The following CHSY1 variants were observed in gnomAD, a reference collection of about 807,000 sequenced individuals.
The protein encoded by CHSY1 is chondroitin sulfate synthase 1.
A neutral mutation model predicts 59.8 loss-of-function variants in CHSY1; 13 were observed. That is an observed-to-expected ratio of 0.22 (90% CI 0.14 to 0.35). CHSY1 has a LOEUF of 0.35. CHSY1 is among the 10% of genes least tolerant of loss of function. CHSY1 has a pLI of 1.00. For synonymous variants in CHSY1, 459 were observed against 401.2 expected (o/e 1.14, Z -1.72); for missense variants, 947 against 1,030.6 (o/e 0.92, Z 1.11).
Position 101,251,347 on chromosome 15 carries a change from G to A in CHSY1, c.110C>T (p.Ala37Val), listed in dbSNP as rs1443467754. ...VLPRASELKR[A>V]GPRRRASPEG... Reference sequence around the variant, plus strand: ...GGGGCTGGCGCGGCGCCGTGGGCCCGCTCGCTTCAGCTCGGAAGCCCGGGG... The same window carrying A: ...GGGGCTGGCGCGGCGCCGTGGGCCCACTCGCTTCAGCTCGGAAGCCCGGGG... The change falls in exon 1 of 3, where the codon GCG (alanine) becomes GTG (valine). Residue 37 changes from alanine to valine, a missense_variant. Around this residue, in one of 4 missense-constraint regions of CHSY1, gnomAD observed 232 missense variants for 188.5 expected, o/e 1.23. Coordinates refer to ENST00000254190, the MANE Select transcript of CHSY1 (RefSeq NM_014918.5). 7.0e-6 allele frequency: 8 copies of A among 1,142,074 alleles called. No homozygotes were observed. Among genetic ancestry groups the A allele is most frequent in the Middle Eastern group, 3.9e-4 (1 of 2,576 alleles). 70.7% of individuals were successfully genotyped at this position (1,142,074 alleles called of 1,614,324 possible).
intron 2 of CHSY1, among the ~76,000 whole-genome samples, chr15:101,222,149 C>G (rs1255235331): frequency 6.6e-6 from 1 of 152,222 alleles, no homozygotes; most frequent in African/African-American, 2.4e-5. Context: ...AAAGACCTTT[C>G]TGTCTCAGAG....
chr15:101,248,197 T>A (rs553357539), intron 1 of CHSY1, among the ~76,000 whole-genome samples: 8 of 152,216 alleles, frequency 5.3e-5, no homozygotes, highest in African/African-American at 1.9e-4. Context: ...GAACTGTGCA[T>A]GGAATTTCCA....
chr15:101,195,260 C>T (rs2038492452), intron 2 of CHSY1, among the ~76,000 whole-genome samples: 1 of 152,186 alleles, frequency 6.6e-6, no homozygotes. Context: ...GCAAACTATA[C>T]AGTACTTACA....
intron 1 of CHSY1, among the ~76,000 whole-genome samples, chr15:101,237,709 A>G (rs1416059028): frequency 6.6e-6 from 1 of 152,240 alleles, no homozygotes; most frequent in Non-Finnish European, 1.5e-5. Context: ...AGGCTATCAT[A>G]TCGCACTTTC....
chr15:101,219,089 T>A (rs1487170908), intron 2 of CHSY1, among the ~76,000 whole-genome samples: 1 of 152,206 alleles, frequency 6.6e-6, no homozygotes, highest in East Asian at 1.9e-4. Context: ...TAATCCTGTT[T>A]TAGGGAAGAA....
Position 101,178,213 on chromosome 15 carries a change from T to C in CHSY1, c.1584A>G (p.Glu528=). The C allele has an allele frequency of 6.2e-7, 1 of 1,614,220 alleles. No homozygotes were observed. Among genetic ancestry groups the C allele is most frequent in the Non-Finnish European group, 8.5e-7 (1 of 1,180,046 alleles). The part of the protein sequence containing the change: ...QLPGSKSEHK[E]PKDKKINILI... ...GTATGTTTATCTTTTTATCTTTGGGTTCTTTGTGCTCACTCTTCGACCCAG... is the reference window on the plus strand; with the variant it reads ...GTATGTTTATCTTTTTATCTTTGGGCTCTTTGTGCTCACTCTTCGACCCAG... The change falls in exon 3 of 3, where the codon GAA becomes GAG. Residue 528 remains glutamate, a synonymous_variant. Coordinates refer to ENST00000254190, the MANE Select transcript of CHSY1 (RefSeq NM_014918.5).
intron 2 of CHSY1, among the ~76,000 whole-genome samples, chr15:101,199,490 G>A (rs1303770011): frequency 1.3e-4 from 20 of 152,170 alleles, no homozygotes. Flanking sequence ...GCGGCAGGGT[G>A]AGACTCCGTC....
intron 2 of CHSY1, among the ~76,000 whole-genome samples, chr15:101,215,491 T>C (rs2038722602): frequency 6.6e-6 from 1 of 152,168 alleles, no homozygotes; most frequent in Non-Finnish European, 1.5e-5. Flanking sequence ...TCCCAGCATC[T>C]GAGGAGGCCA....
At chr15:101,204,995 A>G (rs1037366012) in intron 2 of CHSY1, among the ~76,000 whole-genome samples, 5 of 152,204 alleles carry the variant, frequency 3.3e-5, no homozygotes, top group African/African-American at 1.2e-4. Flanking sequence ...GCAATACTAC[A>G]TACTCTATCC....
In CHSY1 at chr15:101,212,787, T is replaced by C. The variant is rs2038694744; in HGVS notation, c.816+22295A>G. Among the ~76,000 whole-genome samples, 3 of 152,196 alleles carry C rather than the reference T, an allele frequency of 2.0e-5. No homozygotes were observed. In the South Asian group the frequency reaches 6.2e-4, roughly 32 times the overall value. On this transcript the variant is annotated intron_variant, in intron 2 of 2. Coordinates refer to ENST00000254190, the MANE Select transcript of CHSY1 (RefSeq NM_014918.5). ...AAAAGAATAGCAAACTGTAAGTCAA[T>C]ATGCAACTCTAGGTAATAATAAACA...
At chr15:101,237,712 G>A (rs1158578541) in intron 1 of CHSY1, among the ~76,000 whole-genome samples, 6 of 152,166 alleles carry the variant, frequency 3.9e-5, no homozygotes, top group Non-Finnish European at 7.3e-5. Context: ...CTATCATATC[G>A]CACTTTCCCT....
chr15:101,235,632 G>A (rs1026358493), intron 1 of CHSY1, 55 bp from the exon 2 acceptor site: 83 of 1,568,946 alleles, frequency 5.3e-5, no homozygotes, highest in Non-Finnish European at 6.6e-5. Context: ...CTGATTTTCA[G>A]GAATTCACGT....
chr15:101,235,603 G>C (rs1324386034), intron 1 of CHSY1, 26 bp from the exon 2 acceptor site: 35 of 1,600,490 alleles, frequency 2.2e-5, no homozygotes, highest in Non-Finnish European at 3.0e-5. Context: ...ATATCAGTTA[G>C]AGAACAGTTT....
chr15:101,244,906 A>C (rs559206872), intron 1 of CHSY1, among the ~76,000 whole-genome samples: 2 of 152,330 alleles, frequency 1.3e-5, no homozygotes, highest in Admixed American at 6.5e-5. Flanking sequence ...ATATGTACAC[A>C]TTTAAGCACA....
rs1376553885 is a variant in CHSY1 at position 101,251,840 on chromosome 15, G to A, written c.-384C>T. 10 of 150,162 alleles carry A rather than the reference G, an allele frequency of 6.7e-5. No homozygotes were observed. The highest frequency in any genetic ancestry group is 1.3e-4 in the Admixed American group (2 of 15,132). 9.3% of individuals were successfully genotyped at this position (150,162 alleles called of 1,614,324 possible). A position where few individuals can be genotyped will look rare whatever the true frequency, so the allele number is the denominator to read the frequency against. Reference sequence around the variant, plus strand: ...CCGTCCCGCCCTGCCCGCGTCCTCCGGCTGGCTGGGCTCGGTTCGCACGGC... The same window carrying A: ...CCGTCCCGCCCTGCCCGCGTCCTCCAGCTGGCTGGGCTCGGTTCGCACGGC... On this transcript the variant is annotated 5_prime_UTR_variant, in exon 1 of 3. Transcript: ENST00000254190.
intron 2 of CHSY1, among the ~76,000 whole-genome samples, chr15:101,206,647 A>T (rs1323064534): frequency 2.0e-5 from 3 of 152,254 alleles, no homozygotes; most frequent in Non-Finnish European, 4.4e-5. Flanking sequence ...AAGAGACAGC[A>T]GTGTTAGATA....
chr15:101,237,236 A>C (rs1479265144), intron 1 of CHSY1, among the ~76,000 whole-genome samples: 3 of 151,190 alleles, frequency 2.0e-5, no homozygotes, highest in East Asian at 3.8e-4. Context: ...AAAAAAAAAA[A>C]AAAAAAAAAA....
At chr15:101,216,635 T>C (rs1038837478) in intron 2 of CHSY1, among the ~76,000 whole-genome samples, 1 of 152,164 alleles carries the variant, frequency 6.6e-6, no homozygotes, top group Non-Finnish European at 1.5e-5. Context: ...GAAAGAGCTA[T>C]GTATGGTATG....
chr15:101,215,722 G>T (rs746915192), intron 2 of CHSY1, among the ~76,000 whole-genome samples: 5 of 152,204 alleles, frequency 3.3e-5, no homozygotes, highest in Non-Finnish European at 4.4e-5. Context: ...GCAACAAATC[G>T]AGACTCTGTC....
Sources: allele counts gnomAD v4.1 joint callset (sites outside exome capture counted in the v4.1 genomes callset), GRCh38; gene constraint gnomAD v4.1.1; regional missense constraint gnomAD v4.1.1; transcripts MANE v1.5; gene names NCBI Gene and HGNC (gene_info 2026-07-23, HGNC 2026-07-21).